The following PLEKHA7 variants were observed in gnomAD, a reference collection of about 807,000 sequenced individuals.
PLEKHA7 encodes pleckstrin homology domain containing A7, also known as pleckstrin homology domain-containing family A member 7.
A neutral mutation model predicts 170.0 loss-of-function variants in PLEKHA7; 104 were observed. The observed-to-expected ratio is 0.61, with a 90% CI of 0.52 to 0.72. The LOEUF (loss-of-function observed/expected upper bound fraction) is 0.72. Among genes scored for constraint, PLEKHA7 ranks in the 30% least tolerant of loss-of-function variants. The probability of loss-of-function intolerance (pLI) is 0.00; values close to 1 mark genes in which losing one functional copy is unlikely to be tolerated. For missense variants in PLEKHA7, 1,615 were observed against 1,671.7 expected, an observed-to-expected ratio of 0.97 and a Z score of 0.59; for synonymous variants, 648 against 660.8, an observed-to-expected ratio of 0.98 and a Z score of 0.30.
intron 3 of PLEKHA7, among the ~76,000 whole-genome samples, chr11:17,012,295 C>T (rs1031116679): frequency 6.4e-4 from 97 of 151,806 alleles, no homozygotes; most frequent in African/African-American, 2.2e-3. Flanking sequence ...CTTTCTCCTA[C>T]CTGTGACCTC....
intron 3 of PLEKHA7, among the ~76,000 whole-genome samples, chr11:16,950,694 C>T (rs1861353587): frequency 6.6e-6 from 1 of 152,198 alleles, no homozygotes; most frequent in Non-Finnish European, 1.5e-5. Flanking sequence ...CCTGCCCATT[C>T]CCTCAGCCTG....
At chr11:16,957,447 T>C (rs1269741244) in intron 3 of PLEKHA7, among the ~76,000 whole-genome samples, 1 of 152,194 alleles carries the variant, frequency 6.6e-6, no homozygotes, top group Non-Finnish European at 1.5e-5. Context: ...TATGATTCCA[T>C]TTATATGAAA....
At chr11:16,925,086 G>T (rs1859410449) in intron 3 of PLEKHA7, among the ~76,000 whole-genome samples, 1 of 152,212 alleles carries the variant, frequency 6.6e-6, no homozygotes, top group African/African-American at 2.4e-5. Flanking sequence ...CGGAACGCTT[G>T]GCGGGGTCGC....
intron 19 of PLEKHA7, among the ~76,000 whole-genome samples, chr11:16,792,302 T>G (rs1340970593): frequency 6.6e-6 from 1 of 152,228 alleles, no homozygotes; most frequent in Non-Finnish European, 1.5e-5. Context: ...TGTACTTTTT[T>G]ATATCTTTTG....
chr11:16,932,690 T>C (rs891375705), intron 3 of PLEKHA7, among the ~76,000 whole-genome samples: 2 of 152,170 alleles, frequency 1.3e-5, no homozygotes, highest in Non-Finnish European at 2.9e-5. Flanking sequence ...ATACTGATAA[T>C]AAATAAGCAA....
intron 10 of PLEKHA7, among the ~76,000 whole-genome samples, chr11:16,824,953 T>C (rs1850522425): frequency 6.6e-6 from 1 of 152,164 alleles, no homozygotes; most frequent in Non-Finnish European, 1.5e-5. Context: ...CTTTCTGTTT[T>C]ATTAATAAGA....
At chr11:16,798,703 G>A (rs547190877) in intron 17 of PLEKHA7, among the ~76,000 whole-genome samples, 1 of 152,312 alleles carries the variant, frequency 6.6e-6, no homozygotes, top group African/African-American at 2.4e-5. Context: ...CTGTGGGTAG[G>A]AAGATAAACA....
chr11:16,803,004 C>T lies in PLEKHA7; in HGVS notation c.2125G>A (p.Glu709Lys). The T allele has an allele frequency of 1.2e-6, 2 of 1,613,906 alleles. No individual in the cohort carries two copies. The highest frequency in any genetic ancestry group is 1.7e-6 in the Non-Finnish European group (2 of 1,179,960). Residue 709 changes from glutamate (E) to lysine (K), a missense_variant, in exon 15 of 27, where the codon GAA becomes AAA. Transcript: ENST00000531066. ...CEQDRVLQDLEDKIRALKENK... is the reference protein window; with the variant it reads ...CEQDRVLQDLKDKIRALKENK... ...TCTTTAAGGGCTCGTATCTTGTCTT[C>T]CAAGTCCTGGAGGACCCTGTCTTGT...
In PLEKHA7 at chr11:16,791,004, C is replaced by G; in HGVS notation, c.2934+7G>C. ...GTAGAGTGGCAGCCCCAGGGTCCCC[C>G]GCTCACCCTGGAATCCCCATTCACA... On this transcript the variant is annotated splice_region_variant and intron_variant, in intron 20 of 26. Transcript: ENST00000531066. The surrounding 1 kb of genome is among the most constrained non-coding windows in gnomAD (Gnocchi z 4.5). 6.2e-7 allele frequency: 1 copy of G among 1,614,014 alleles called. No individual in the cohort carries two copies. The highest frequency in any genetic ancestry group is 8.5e-7 in the Non-Finnish European group (1 of 1,180,022).
At chr11:16,984,611 T>C (rs1863621308) in intron 3 of PLEKHA7, among the ~76,000 whole-genome samples, 1 of 152,188 alleles carries the variant, frequency 6.6e-6, no homozygotes, top group South Asian at 2.1e-4. Context: ...CATTCCACTC[T>C]CACACCCAGG....
At chr11:16,829,813 G>A (rs558144488) in intron 9 of PLEKHA7, among the ~76,000 whole-genome samples, 3 of 151,984 alleles carry the variant, frequency 2.0e-5, no homozygotes, top group Admixed American at 2.0e-4. Flanking sequence ...GTTTATAAAG[G>A]GACAACTCTG....
At chr11:16,936,989 A>G (rs561630569) in intron 3 of PLEKHA7, among the ~76,000 whole-genome samples, 1 of 152,334 alleles carries the variant, frequency 6.6e-6, no homozygotes, top group East Asian at 1.9e-4. Context: ...CCTCCCCCTG[A>G]GCCTCAGTCT....
intron 3 of PLEKHA7, among the ~76,000 whole-genome samples, chr11:16,971,776 A>G (rs949070001): frequency 2.6e-5 from 4 of 152,096 alleles, no homozygotes; most frequent in Non-Finnish European, 5.9e-5. Flanking sequence ...TTTTAAGTGA[A>G]GGGATATTTT....
At chr11:16,839,691 A>G (rs1206505632) in intron 9 of PLEKHA7, among the ~76,000 whole-genome samples, 1 of 152,154 alleles carries the variant, frequency 6.6e-6, no homozygotes. Context: ...ATTAGGTATT[A>G]TATGTAATCT....
intron 3 of PLEKHA7, among the ~76,000 whole-genome samples, chr11:16,900,728 G>C (rs1857273797): frequency 6.6e-6 from 1 of 152,052 alleles, no homozygotes; most frequent in South Asian, 2.1e-4. Context: ...TCCAACATCA[G>C]TTCAGTTCAT....
chr11:16,857,530 C>T (rs1241066587), intron 4 of PLEKHA7, among the ~76,000 whole-genome samples: 2 of 152,226 alleles, frequency 1.3e-5, no homozygotes, highest in Non-Finnish European at 2.9e-5. Context: ...CTTGTCCATC[C>T]CCTTTCTCCA....
chr11:16,900,558 C>G (rs1857264192), intron 3 of PLEKHA7, among the ~76,000 whole-genome samples: 2 of 152,208 alleles, frequency 1.3e-5, no homozygotes, highest in Non-Finnish European at 2.9e-5. Context: ...GACATAAGCA[C>G]TCATCACTGC....
At chr11:16,814,877 C>T (rs1326936755) in intron 12 of PLEKHA7, among the ~76,000 whole-genome samples, 2 of 152,222 alleles carry the variant, frequency 1.3e-5, no homozygotes, top group East Asian at 3.9e-4. Context: ...GGCAACAAGG[C>T]TGTCAGCCAG....
chr11:16,995,164 A>C (rs1183115701), intron 3 of PLEKHA7, among the ~76,000 whole-genome samples: 1 of 152,220 alleles, frequency 6.6e-6, no homozygotes, highest in East Asian at 1.9e-4. Flanking sequence ...TCCAGAGTAC[A>C]CAACCTGCTC....
Sources: allele counts gnomAD v4.1 joint callset (sites outside exome capture counted in the v4.1 genomes callset), GRCh38; gene constraint gnomAD v4.1.1; non-coding constraint Gnocchi (gnomAD v3.1); transcripts MANE v1.5; gene names NCBI Gene and HGNC (gene_info 2026-07-23, HGNC 2026-07-21).